The following ZNF716 variants were observed in gnomAD, a reference collection of about 807,000 sequenced individuals.
ZNF716 encodes zinc finger protein 716.
A neutral mutation model predicts 13.4 loss-of-function variants in ZNF716; 9 were observed. The observed-to-expected ratio is 0.67, with a 90% CI of 0.41 to 1.18. The LOEUF is 1.18. Among genes scored for constraint, ZNF716 ranks in the 50% most tolerant of loss-of-function variants. The probability of loss-of-function intolerance (pLI) is 0.01; values close to 1 mark genes in which losing one functional copy is unlikely to be tolerated. For synonymous variants in ZNF716, 186 were observed against 195.2 expected (o/e 0.95, Z 0.39); for missense variants, 581 against 576.6 (o/e 1.01, Z -0.08).
At chr7:57,455,999 A>T (rs1789580994) in intron 1 of ZNF716, among the ~76,000 whole-genome samples, 2 of 149,254 alleles carry the variant, frequency 1.3e-5, no homozygotes, top group East Asian at 2.0e-4. Flanking sequence ...TCTGTCACCC[A>T]GGCTGGAATG....
intron 1 of ZNF716, among the ~76,000 whole-genome samples, chr7:57,450,580 T>G (rs1789468767): frequency 6.6e-6 from 1 of 152,100 alleles, no homozygotes; most frequent in African/African-American, 2.4e-5. Context: ...TCTGGGCAGC[T>G]CTACACTCCC....
chr7:57,463,118 A>C lies in ZNF716; in HGVS notation c.212A>C (p.Asn71Thr). The C allele has an allele frequency of 6.2e-7, 1 of 1,610,442 alleles. No homozygotes were observed. The highest frequency in any genetic ancestry group is 8.5e-7 in the Non-Finnish European group (1 of 1,179,968). Residue 71 changes from asparagine (N) to threonine (T), a missense_variant, in exon 3 of 4, where the codon AAT becomes ACT. Asn to Thr is a moderately conservative substitution (Grantham distance 65). Transcript: ENST00000420713. ...GACTTGATCACCTGTCTGGAGCAAAATAAAGAGCCCCAGAATATAAAGAGA... is the reference window on the plus strand; with the variant it reads ...GACTTGATCACCTGTCTGGAGCAAACTAAAGAGCCCCAGAATATAAAGAGA... ...KPDLITCLEQ[N>T]KEPQNIKRNE...
intron 3 of ZNF716, among the ~76,000 whole-genome samples, chr7:57,464,040 G>T (rs1365303754): frequency 3.3e-5 from 5 of 149,420 alleles, no homozygotes; most frequent in Admixed American, 6.7e-5. Flanking sequence ...TATTAATTTT[G>T]TGCAACCTTT....
chr7:57,460,115 C>T (rs1789680326), intron 1 of ZNF716, among the ~76,000 whole-genome samples: 1 of 152,112 alleles, frequency 6.6e-6, no homozygotes, highest in South Asian at 2.1e-4. Context: ...AGGCCGGGTG[C>T]GGTGGCTCAC....
In ZNF716 at chr7:57,471,980, T is replaced by C. The variant is rs541690763; in HGVS notation, c.*2031T>C. 6.6e-6 allele frequency: 1 copy of C among 152,230 alleles called. No individual in the cohort carries two copies. Among genetic ancestry groups the C allele is most frequent in the Admixed American group, 6.5e-5 (1 of 15,274 alleles). 9.4% of individuals were successfully genotyped at this position (152,230 alleles called of 1,614,324 possible). A position where few individuals can be genotyped will look rare whatever the true frequency, so the allele number is the denominator to read the frequency against. ...AGATTTTCTGAAAAGCAAATAGTAATGTAACTCACATTTCAAATTACTTCA... is the reference window on the plus strand; with the variant it reads ...AGATTTTCTGAAAAGCAAATAGTAACGTAACTCACATTTCAAATTACTTCA... On this transcript the variant is annotated 3_prime_UTR_variant, in exon 4 of 4. Transcript: ENST00000420713.
At chr7:57,451,253 G>GCTCTTGAA (rs765959356) in intron 1 of ZNF716, among the ~76,000 whole-genome samples, 111 of 151,992 alleles carry the variant, frequency 7.3e-4, no homozygotes, top group Non-Finnish European at 1.0e-3. Context: ...GACCTGAAGT[G>GCTCTTGAA]ATCCGCCTGC....
intron 1 of ZNF716, among the ~76,000 whole-genome samples, chr7:57,458,035 A>C (rs1343251034): frequency 6.6e-6 from 1 of 152,080 alleles, no homozygotes; most frequent in Non-Finnish European, 1.5e-5. Flanking sequence ...TATGTACCAC[A>C]TTTTCTTTAT....
intron 3 of ZNF716, among the ~76,000 whole-genome samples, chr7:57,468,069 T>G (rs782449575): frequency 2.6e-4 from 40 of 152,258 alleles, no homozygotes; most frequent in Non-Finnish European, 5.3e-4. Flanking sequence ...TGAAACCGAT[T>G]GTCTTGGCTA....
Position 57,471,490 on chromosome 7 carries a change from T to C in ZNF716, c.*1541T>C, listed in dbSNP as rs1554325291. 6.6e-6 allele frequency: 1 copy of C among 151,776 alleles called. No individual in the cohort carries two copies. Among genetic ancestry groups the C allele is most frequent in the Admixed American group, 6.6e-5 (1 of 15,218 alleles). The allele number at this position is 151,776 out of a possible 1,614,324, so 9.4% of individuals were successfully genotyped here. A position where few individuals can be genotyped will look rare whatever the true frequency, so the allele number is the denominator to read the frequency against. ...AAACATAGGCCTTTAAAGCAAAGAC[T>C]ATTTATTCTAAAGACAAACATTAAA... On this transcript the variant is annotated 3_prime_UTR_variant, in exon 4 of 4. Coordinates refer to ENST00000420713, the MANE Select transcript of ZNF716 (RefSeq NM_001159279.1).
intron 1 of ZNF716, among the ~76,000 whole-genome samples, chr7:57,457,584 T>C (rs1789622266): frequency 6.6e-6 from 1 of 152,178 alleles, no homozygotes; most frequent in African/African-American, 2.4e-5. Context: ...CCTCAGGTGA[T>C]CTGCCCGCCT....
intron 1 of ZNF716, among the ~76,000 whole-genome samples, chr7:57,460,249 G>A (rs782299580): frequency 6.6e-6 from 1 of 151,856 alleles, no homozygotes; most frequent in Non-Finnish European, 1.5e-5. Context: ...ACAAAAATTA[G>A]CTGAGAGTGG....
intron 3 of ZNF716, among the ~76,000 whole-genome samples, chr7:57,465,294 CT>C (rs1172599440): frequency 1.3e-5 from 2 of 151,880 alleles, no homozygotes; most frequent in African/African-American, 4.8e-5. Flanking sequence ...GCCAGTTATA[CT>C]TTTTTTCTTT....
At chr7:57,459,471 T>A (rs1365081808) in intron 1 of ZNF716, among the ~76,000 whole-genome samples, 6 of 152,354 alleles carry the variant, frequency 3.9e-5, no homozygotes, top group African/African-American at 1.4e-4. Context: ...ATGTGGTATG[T>A]GTAAGGGACT....
intron 1 of ZNF716, among the ~76,000 whole-genome samples, chr7:57,460,555 A>AT (rs1285557991): frequency 1.3e-5 from 2 of 151,646 alleles, no homozygotes; most frequent in Non-Finnish European, 2.9e-5. Flanking sequence ...TGAAAAAAAT[A>AT]TTTTTTTTCT....
At chr7:57,457,789 T>C (rs1476038943) in intron 1 of ZNF716, among the ~76,000 whole-genome samples, 2 of 152,212 alleles carry the variant, frequency 1.3e-5, no homozygotes, top group Non-Finnish European at 2.9e-5. Flanking sequence ...ATTTGTTTTC[T>C]GGTTTTCTTC....
At chr7:57,457,242 A>G (rs1554322266) in intron 1 of ZNF716, among the ~76,000 whole-genome samples, 1 of 152,188 alleles carries the variant, frequency 6.6e-6, no homozygotes, top group Non-Finnish European at 1.5e-5. Context: ...GCCTGCATGG[A>G]CACAGGACTA....
chr7:57,456,259 G>A (rs1789589467), intron 1 of ZNF716, among the ~76,000 whole-genome samples: 1 of 152,120 alleles, frequency 6.6e-6, no homozygotes, highest in African/African-American at 2.4e-5. Flanking sequence ...CGGCTTCTGG[G>A]TTGCATGTTT....
intron 1 of ZNF716, among the ~76,000 whole-genome samples, chr7:57,452,193 C>A (rs1554321648): frequency 6.6e-6 from 1 of 152,116 alleles, no homozygotes; most frequent in Non-Finnish European, 1.5e-5. Flanking sequence ...CTTTCTAACT[C>A]ATATTATTAT....
Position 57,473,207 on chromosome 7 carries a change from C to T in ZNF716, c.*3258C>T, listed in dbSNP as rs1789978096. ...AAAACAGACTTTTAGTTTCAATTTA[C>T]ATAGAGTTACATATACAAATATATT... On this transcript the variant is annotated 3_prime_UTR_variant, in exon 4 of 4. Coordinates refer to ENST00000420713, the MANE Select transcript of ZNF716 (RefSeq NM_001159279.1). 6.6e-6 allele frequency: 1 copy of T among 152,154 alleles called. No homozygotes were observed. The highest frequency in any genetic ancestry group is 2.4e-5 in the African/African-American group (1 of 41,434). The allele number at this position is 152,154 out of a possible 1,614,324, so 9.4% of individuals were successfully genotyped here. A position where few individuals can be genotyped will look rare whatever the true frequency, so the allele number is the denominator to read the frequency against.
Sources: allele counts gnomAD v4.1 joint callset (sites outside exome capture counted in the v4.1 genomes callset), GRCh38; gene constraint gnomAD v4.1.1; transcripts MANE v1.5; gene names NCBI Gene and HGNC (gene_info 2026-07-23, HGNC 2026-07-21).